The following BTAF1 variants were observed in gnomAD, a reference collection of about 807,000 sequenced individuals.
BTAF1 encodes the protein TATA-binding protein-associated factor 172.
In BTAF1, 38 loss-of-function variants were observed where a neutral mutation model predicts 227.1. The observed-to-expected ratio is 0.17, with a 90% CI of 0.13 to 0.22. The LOEUF is 0.22. BTAF1 is among the 10% of genes least tolerant of loss of function. The probability of loss-of-function intolerance (pLI) is 1.00; values close to 1 mark genes in which losing one functional copy is unlikely to be tolerated. For missense variants in BTAF1, 1,598 were observed against 2,204.0 expected (o/e 0.73, Z 5.51); for synonymous variants, 742 against 751.9 (o/e 0.99, Z 0.21).
chr10:92,009,253 A>G (rs1195068476), intron 28 of BTAF1, 45 bp downstream of exon 28: 1 of 1,576,214 alleles, frequency 6.3e-7, no homozygotes, highest in Admixed American at 1.7e-5. Context: ...CTGTTGTCAT[A>G]ATTAAGATAA....
chr10:92,000,231 C>A (rs1360821122), intron 25 of BTAF1, among the ~76,000 whole-genome samples: 1 of 152,158 alleles, frequency 6.6e-6, no homozygotes, highest in Non-Finnish European at 1.5e-5. Context: ...CAGATTCTTT[C>A]AACTCCAAGA....
chr10:92,023,323 A>G (rs544925121), intron 34 of BTAF1, among the ~76,000 whole-genome samples: 1 of 152,292 alleles, frequency 6.6e-6, no homozygotes, highest in Non-Finnish European at 1.5e-5. Context: ...CCTTTTGGTT[A>G]TCTTTCCTAT....
intron 1 of BTAF1, among the ~76,000 whole-genome samples, chr10:91,932,301 G>A (rs1332013124): frequency 6.6e-6 from 1 of 152,140 alleles, no homozygotes; most frequent in East Asian, 1.9e-4. Context: ...GAAGGCTGAA[G>A]TACTGCTGTG....
chr10:91,995,719 G>T (rs890253795), intron 23 of BTAF1, among the ~76,000 whole-genome samples: 42 of 151,790 alleles, frequency 2.8e-4, no homozygotes, highest in African/African-American at 9.9e-4. Context: ...CCATCTGTAC[G>T]CTCTTAATCT....
chr10:91,927,677 A>G (rs370542110), intron 1 of BTAF1, among the ~76,000 whole-genome samples: 1 of 152,200 alleles, frequency 6.6e-6, no homozygotes. Context: ...TTGAGTTGCC[A>G]TATGAGTTGC....
At chr10:92,014,507 G>A (rs1283304358) in intron 32 of BTAF1, among the ~76,000 whole-genome samples, 2 of 152,160 alleles carry the variant, frequency 1.3e-5, no homozygotes, top group African/African-American at 4.8e-5. Context: ...GATTATAGGT[G>A]TGAGCCACCG....
intron 4 of BTAF1, among the ~76,000 whole-genome samples, chr10:91,950,096 T>C (rs1845643845): frequency 7.2e-6 from 1 of 139,568 alleles, no homozygotes; most frequent in Non-Finnish European, 1.5e-5. Context: ...GAGCTATGAT[T>C]GTACCTACTG....
At chr10:91,951,729 C>T (rs1166484124) in intron 5 of BTAF1, among the ~76,000 whole-genome samples, 163 bp downstream of exon 5, 1 of 152,166 alleles carries the variant, frequency 6.6e-6, no homozygotes, top group Non-Finnish European at 1.5e-5. Context: ...TTTCTGATGA[C>T]AGATTCTATA....
intron 11 of BTAF1, 141 bp downstream of exon 11, chr10:91,960,295 G>T (rs1488162924): frequency 4.8e-6 from 4 of 829,460 alleles, no homozygotes; most frequent in Non-Finnish European, 7.1e-6. Flanking sequence ...TTGAGAGAGT[G>T]TCATAGAGAT....
chr10:91,976,933 G>A (rs1308345067), intron 14 of BTAF1, among the ~76,000 whole-genome samples: 2 of 152,140 alleles, frequency 1.3e-5, no homozygotes, highest in Non-Finnish European at 2.9e-5. Context: ...TGATATGGGA[G>A]GTAGAAGACA....
At chr10:92,023,614 T>C (rs1263875867) in intron 34 of BTAF1, among the ~76,000 whole-genome samples, 1 of 151,900 alleles carries the variant, frequency 6.6e-6, no homozygotes, top group African/African-American at 2.4e-5. Context: ...AACCTAGGAG[T>C]TGGAGGTTGC....
At chr10:91,955,820 C>T (rs566430221) in intron 6 of BTAF1, among the ~76,000 whole-genome samples, 1 of 151,966 alleles carries the variant, frequency 6.6e-6, no homozygotes, top group Non-Finnish European at 1.5e-5. Context: ...GAGAGGGAGG[C>T]TCAGATTTCT....
At chr10:91,984,968 C>G (rs990426541) in intron 19 of BTAF1, among the ~76,000 whole-genome samples, 2 of 152,034 alleles carry the variant, frequency 1.3e-5, no homozygotes, top group South Asian at 4.2e-4. Flanking sequence ...ATATAATTAA[C>G]TAAAATTCAG....
intron 13 of BTAF1, among the ~76,000 whole-genome samples, chr10:91,966,033 G>T (rs775027334): frequency 1.1e-4 from 16 of 152,160 alleles, no homozygotes; most frequent in Non-Finnish European, 1.9e-4. Context: ...GAATCCTGTG[G>T]CCCAAGTTAG....
chr10:92,025,023 A>T, intron 35 of BTAF1, 56 bp downstream of exon 35: 1 of 1,463,316 alleles, frequency 6.8e-7, no homozygotes, highest in Non-Finnish European at 9.3e-7. Context: ...CTTACATAGA[A>T]GTTTGCCCCA....
intron 30 of BTAF1, among the ~76,000 whole-genome samples, 153 bp from the exon 31 acceptor site, chr10:92,013,514 A>G (rs185509206): frequency 5.9e-5 from 9 of 152,370 alleles, no homozygotes; most frequent in Admixed American, 3.9e-4. Context: ...CCTGAATTTT[A>G]CACACTAAAA....
At chr10:92,022,016 C>A (rs1157618257) in intron 34 of BTAF1, among the ~76,000 whole-genome samples, 1 of 152,150 alleles carries the variant, frequency 6.6e-6, no homozygotes, top group Admixed American at 6.5e-5. Context: ...ACCTCTCAAA[C>A]ACCCATTATT....
chr10:92,012,328 C>T (rs1850430418), intron 30 of BTAF1, among the ~76,000 whole-genome samples: 1 of 88,978 alleles, frequency 1.1e-5, no homozygotes, highest in Non-Finnish European at 2.1e-5. Flanking sequence ...CTCACTGCAA[C>T]CTCCACCTCC....
At chr10:92,019,350 G>A (rs1850957053) in intron 34 of BTAF1, among the ~76,000 whole-genome samples, 1 of 152,096 alleles carries the variant, frequency 6.6e-6, no homozygotes, top group Admixed American at 6.5e-5. Flanking sequence ...TTTGTCATTT[G>A]TGGCTTATTC....
Sources: allele counts gnomAD v4.1 joint callset (sites outside exome capture counted in the v4.1 genomes callset), GRCh38; gene constraint gnomAD v4.1.1; transcripts MANE v1.5; gene names NCBI Gene and HGNC (gene_info 2026-07-23, HGNC 2026-07-21).